The following ANK2 variants were observed in gnomAD, a reference collection of about 807,000 sequenced individuals.
ANK2 encodes the protein ankyrin 2, also known as ankyrin-2.
A neutral mutation model predicts 360.5 loss-of-function variants in ANK2; 83 were observed. The ratio of observed to expected loss-of-function variants is 0.23; its 90% CI spans 0.19 to 0.28. ANK2 has a LOEUF of 0.28. Ranked by LOEUF, ANK2 falls within the 10% of genes least tolerant of loss-of-function variation. The pLI, the probability that ANK2 is intolerant of heterozygous loss-of-function variation, is 1.00. For missense variants in ANK2, 4,201 were observed against 4,795.7 expected, an observed-to-expected ratio of 0.88 and a Z score of 3.66; for synonymous variants, 1,740 against 1,759.5, an observed-to-expected ratio of 0.99 and a Z score of 0.28.
rs57817594 is a variant in ANK2, at chr4:113,021,541, CATATATATATATAT to C, written c.21+117052_21+117065del. ...ATACACACACACACCCACACACAAA[CATATATATATATAT>C]ATATATATATATATATATATATATG... On this transcript the variant is annotated intron_variant, in intron 2 of 30. Coordinates refer to the ANK2 transcript ENST00000503271. Among the ~76,000 whole-genome samples, 196 of 95,634 alleles carry C rather than the reference CATATATATATATAT, an allele frequency of 2.0e-3. 5 individuals are homozygous for C. The highest frequency in any genetic ancestry group is 5.7e-3 in the African/African-American group (148 of 26,180). The allele number at this position is 95,634 out of a possible 152,430, so 62.7% of individuals were successfully genotyped here.
At chr4:113,160,569 T>C (rs947325600) in intron 1 of ANK2, among the ~76,000 whole-genome samples, 1 of 152,186 alleles carries the variant, frequency 6.6e-6, no homozygotes, top group Non-Finnish European at 1.5e-5. Flanking sequence ...TATTGGCCAA[T>C]TTCACCCTGT....
In ANK2 at chr4:113,082,569, C is replaced by T. The variant is rs75259362; in HGVS notation, c.84+32757C>T. ...GCATAATTACTAAAACTTAATGAAA[C>T]GTGCATTTAGTTATAATGCACAATT... On this transcript the variant is annotated intron_variant, in intron 1 of 45. Coordinates refer to ENST00000357077, the MANE Select transcript of ANK2 (RefSeq NM_001148.6). Among the ~76,000 whole-genome samples the T allele has an allele frequency of 8.8e-3, 1,341 of 152,244 alleles. 35 individuals are homozygous for T. In the East Asian group the frequency reaches 0.093, roughly 11 times the overall value.
chr4:112,932,279 G>A (rs1238524296), intron 2 of ANK2, among the ~76,000 whole-genome samples: 1 of 152,028 alleles, frequency 6.6e-6, no homozygotes, highest in Non-Finnish European at 1.5e-5. Context: ...ATCACCTGAG[G>A]TCAGGAGTTC....
In ANK2 at chr4:113,341,703, T is replaced by C. The variant is rs765048111; in HGVS notation, c.3909T>C (p.Asp1303=). 4 of 1,614,152 alleles carry C rather than the reference T, an allele frequency of 2.5e-6. No individual in the cohort carries two copies. Among genetic ancestry groups the C allele is most frequent in the Admixed American group, 1.7e-5 (1 of 60,024 alleles). ...ATTTTAATAGGTTCTGGCTGATAGA[T>C]TGTCGACAGATCCAGGAATCCGTTA... ...TNVSARFWLI[D]CRQIQESVTF... Residue 1303 remains aspartate (D), a synonymous_variant, in exon 33 of 46, where the codon GAT becomes GAC. Coordinates refer to ENST00000357077, the MANE Select transcript of ANK2 (RefSeq NM_001148.6).
chr4:113,255,986 A>C (rs2049086107), intron 11 of ANK2, 54 bp downstream of exon 11: 1 of 1,565,266 alleles, frequency 6.4e-7, no homozygotes, highest in South Asian at 1.1e-5. Context: ...AAACAAACCC[A>C]CATTCATTGA....
intron 2 of ANK2, among the ~76,000 whole-genome samples, chr4:112,965,162 T>C (rs2036714997): frequency 6.6e-6 from 1 of 152,328 alleles, no homozygotes. Flanking sequence ...TGCTAGCGTT[T>C]GTCATTGCCT....
chr4:113,356,231 C>A lies in ANK2; in HGVS notation c.7613C>A (p.Pro2538His). ...AGCTCAGGGAAGAGCCCCCTTTCTC[C>A]TGACACCCCCAGCTCTGAAGAAGTC... ...MESSGKSPLSPDTPSSEEVSY... is the reference protein window; with the variant it reads ...MESSGKSPLSHDTPSSEEVSY... The change falls in exon 38 of 46, where the codon CCT becomes CAT. Residue 2538 changes from proline (P) to histidine (H), a missense_variant. Around this residue, in one of 4 missense-constraint regions of ANK2, gnomAD observed 2,642 missense variants for 2,714.5 expected, o/e 0.97. Coordinates refer to ENST00000357077, the MANE Select transcript of ANK2 (RefSeq NM_001148.6). The A allele has an allele frequency of 6.2e-7, 1 of 1,613,956 alleles. No individual in the cohort carries two copies. Among genetic ancestry groups the A allele is most frequent in the Non-Finnish European group, 8.5e-7 (1 of 1,179,962 alleles).
chr4:112,830,141 A>G (rs1250895456), intron 1 of ANK2, among the ~76,000 whole-genome samples: 1 of 152,214 alleles, frequency 6.6e-6, no homozygotes, highest in East Asian at 1.9e-4. Context: ...ACAGCGTCTC[A>G]TCACTGAGTG....
At chr4:112,903,610 C>T (rs1335088754) in intron 1 of ANK2, among the ~76,000 whole-genome samples, 1 of 152,162 alleles carries the variant, frequency 6.6e-6, no homozygotes, top group Non-Finnish European at 1.5e-5. Context: ...AATCAAATCT[C>T]ATGAAAGTCT....
intron 13 of ANK2, among the ~76,000 whole-genome samples, chr4:113,263,965 C>G (rs1347072886): frequency 6.6e-6 from 1 of 152,114 alleles, no homozygotes; most frequent in Non-Finnish European, 1.5e-5. Flanking sequence ...TCATGCTACA[C>G]CTAAAGCCAC....
At chr4:112,863,667 CGCCA>C (rs2068977754) in intron 1 of ANK2, among the ~76,000 whole-genome samples, 1 of 151,770 alleles carries the variant, frequency 6.6e-6, no homozygotes, top group South Asian at 2.1e-4. Flanking sequence ...GGACTGCAGG[CGCCA>C]GCCACCACGC....
At chr4:113,338,439 A>G (rs1027171425) in intron 31 of ANK2, among the ~76,000 whole-genome samples, 3 of 152,114 alleles carry the variant, frequency 2.0e-5, no homozygotes, top group African/African-American at 7.2e-5. Flanking sequence ...ACTATTTCAC[A>G]AACATTTTTT....
At chr4:112,976,515 C>G (rs1300862546) in intron 2 of ANK2, among the ~76,000 whole-genome samples, 1 of 152,080 alleles carries the variant, frequency 6.6e-6, no homozygotes, top group Non-Finnish European at 1.5e-5. Context: ...TTTTAGCTAA[C>G]TACTTCTCTG....
intron 20 of ANK2, among the ~76,000 whole-genome samples, chr4:113,288,797 T>G (rs1264680649): frequency 6.6e-6 from 1 of 152,156 alleles, no homozygotes; most frequent in African/African-American, 2.4e-5. Context: ...TCCTTTACAT[T>G]GTTTCAGTGG....
At chr4:112,926,769 C>A (rs1416576432) in intron 2 of ANK2, among the ~76,000 whole-genome samples, 2 of 152,178 alleles carry the variant, frequency 1.3e-5, no homozygotes, top group African/African-American at 4.8e-5. Flanking sequence ...AATTTTACTG[C>A]CATGTAAGAT....
At chr4:112,767,918 T>G in the ANK2 span, among the ~76,000 whole-genome samples, 6 of 152,224 alleles carry the variant, frequency 3.9e-5, no homozygotes, top group Admixed American at 3.9e-4. Flanking sequence ...CTCCCAAGTC[T>G]GAAATACCTC....
chr4:112,730,657 AAG>A, the ANK2 span, among the ~76,000 whole-genome samples: 1 of 149,642 alleles, frequency 6.7e-6, no homozygotes, highest in Non-Finnish European at 1.5e-5. Flanking sequence ...AAAAAAAAAA[AAG>A]AAAGAAAACA....
chr4:112,861,873 C>T (rs1266854227), intron 1 of ANK2, among the ~76,000 whole-genome samples: 1 of 72,154 alleles, frequency 1.4e-5, no homozygotes, highest in African/African-American at 5.2e-5. Flanking sequence ...GAGAGAAACT[C>T]TCACAGTTTA....
intron 2 of ANK2, among the ~76,000 whole-genome samples, chr4:113,194,180 A>C (rs1320301336): frequency 6.6e-6 from 1 of 152,178 alleles, no homozygotes; most frequent in Non-Finnish European, 1.5e-5. Context: ...TTAACAAATA[A>C]ATTTGTATTA....
Sources: gnomAD v4.1 joint callset for allele counts (sites outside exome capture counted in the v4.1 genomes callset) on GRCh38, gnomAD v4.1.1 for gene constraint, gnomAD v4.1.1 regional missense constraint, MANE v1.5 for transcripts, NCBI Gene and HGNC (gene_info 2026-07-23, HGNC 2026-07-21) for gene names.